SUPT3H: variants seen among roughly 807,000 people sequenced by gnomAD.
SUPT3H encodes the protein SPT3 homolog, SAGA and STAGA complex component.
SUPT3H carries 44 observed loss-of-function variants against 44.3 expected under a neutral mutation model. That is an observed-to-expected ratio of 0.99 (90% CI 0.78 to 1.28). The LOEUF (loss-of-function observed/expected upper bound fraction) is 1.28, where lower values mean the gene tolerates loss of function less well. Among genes scored for constraint, SUPT3H ranks in the 50% most tolerant of loss-of-function variants. SUPT3H has a pLI of 0.00. For missense variants in SUPT3H, 380 were observed against 387.1 expected, an observed-to-expected ratio of 0.98 and a Z score of 0.15; for synonymous variants, 124 against 125.6, an observed-to-expected ratio of 0.99 and a Z score of 0.09.
intron 6 of SUPT3H, among the ~76,000 whole-genome samples, chr6:44,966,306 C>T (rs1776762279): frequency 1.3e-5 from 2 of 151,920 alleles, no homozygotes; most frequent in South Asian, 2.1e-4. Flanking sequence ...TTACTCTTTA[C>T]TGAGATGGTT....
chr6:45,338,327 TC>T (rs1177377357), intron 2 of SUPT3H, among the ~76,000 whole-genome samples: 1 of 149,142 alleles, frequency 6.7e-6, no homozygotes, highest in Admixed American at 6.9e-5. Context: ...TTTGAGCATT[TC>T]CAGATGTAGC....
At chr6:45,271,627 T>C (rs1776172764) in intron 2 of SUPT3H, among the ~76,000 whole-genome samples, 1 of 152,188 alleles carries the variant, frequency 6.6e-6, no homozygotes, top group African/African-American at 2.4e-5. Context: ...GGAGAACCTT[T>C]GCTCAGGCAA....
chr6:45,018,618 T>C (rs1784657629), intron 4 of SUPT3H, among the ~76,000 whole-genome samples: 1 of 151,942 alleles, frequency 6.6e-6, no homozygotes, highest in Non-Finnish European at 1.5e-5. Flanking sequence ...GTGGTTTTTG[T>C]CTTTGGCTCT....
intron 3 of SUPT3H, among the ~76,000 whole-genome samples, chr6:45,031,844 C>T (rs1786990638): frequency 6.6e-6 from 1 of 152,132 alleles, no homozygotes; most frequent in Admixed American, 6.6e-5. Context: ...GCAACCAGCT[C>T]AACTAGCTGC....
At chr6:45,046,791 T>A (rs1360928780) in intron 3 of SUPT3H, among the ~76,000 whole-genome samples, 2 of 152,232 alleles carry the variant, frequency 1.3e-5, no homozygotes, top group Non-Finnish European at 2.9e-5. Context: ...TAATAGAGGC[T>A]GCAATGAATC....
intron 3 of SUPT3H, among the ~76,000 whole-genome samples, chr6:45,035,579 A>G (rs771633568): frequency 2.0e-5 from 3 of 152,062 alleles, no homozygotes; most frequent in Non-Finnish European, 4.4e-5. Flanking sequence ...TTACTTCCCT[A>G]CCTCCATCAA....
At chr6:45,148,101 T>C (rs1806371851) in intron 2 of SUPT3H, among the ~76,000 whole-genome samples, 1 of 152,146 alleles carries the variant, frequency 6.6e-6, no homozygotes, top group Admixed American at 6.6e-5. Context: ...TAAATCTATA[T>C]ATGTAACATC....
At chr6:45,188,152 A>G (rs1196764117) in intron 2 of SUPT3H, among the ~76,000 whole-genome samples, 2 of 152,228 alleles carry the variant, frequency 1.3e-5, no homozygotes, top group Admixed American at 1.3e-4. Flanking sequence ...AGTCATCCTT[A>G]TATTATTTAA....
intron 2 of SUPT3H, among the ~76,000 whole-genome samples, chr6:45,350,289 A>G (rs1427776309): frequency 6.6e-6 from 1 of 152,240 alleles, no homozygotes; most frequent in African/African-American, 2.4e-5. Flanking sequence ...AACAAAAAAC[A>G]TTTGTATATA....
At chr6:45,076,685 T>C (rs1349904251) in intron 3 of SUPT3H, among the ~76,000 whole-genome samples, 1 of 152,214 alleles carries the variant, frequency 6.6e-6, no homozygotes, top group Non-Finnish European at 1.5e-5. Context: ...ACGCCTTTAA[T>C]CATTAGCCCC....
At chr6:45,283,416 AAAAGG>A (rs1191295006) in intron 2 of SUPT3H, among the ~76,000 whole-genome samples, 3 of 152,288 alleles carry the variant, frequency 2.0e-5, no homozygotes, top group Non-Finnish European at 2.9e-5. Flanking sequence ...GGAAAACAAA[AAAAGG>A]CAGGGGTTGC....
At chr6:44,955,843 G>A (rs1775049490) in intron 7 of SUPT3H, among the ~76,000 whole-genome samples, 1 of 152,148 alleles carries the variant, frequency 6.6e-6, no homozygotes, top group Admixed American at 6.5e-5. Flanking sequence ...CATGTAGGCT[G>A]GGCGCGGTGG....
At chr6:45,179,953 T>C (rs1310748562) in intron 2 of SUPT3H, among the ~76,000 whole-genome samples, 1 of 152,146 alleles carries the variant, frequency 6.6e-6, no homozygotes, top group Non-Finnish European at 1.5e-5. Flanking sequence ...GACATGATTG[T>C]ATATCTAGAA....
chr6:44,978,206 G>C (rs1260439731), intron 6 of SUPT3H, among the ~76,000 whole-genome samples: 1 of 152,138 alleles, frequency 6.6e-6, no homozygotes, highest in African/African-American at 2.4e-5. Flanking sequence ...TCATAAAGAA[G>C]ATTCTGTCAA....
intron 2 of SUPT3H, among the ~76,000 whole-genome samples, chr6:45,319,006 GT>G (rs113478554): frequency 2.3e-4 from 35 of 152,120 alleles, no homozygotes; most frequent in African/African-American, 8.2e-4. Context: ...AAAAAAGTAT[GT>G]TTAAAAAAAT....
Position 45,198,583 on chromosome 6 carries a change from T to C in SUPT3H, c.102-92577A>G, listed in dbSNP as rs149206282. 3.3e-5 allele frequency among the ~76,000 whole-genome samples: 5 copies of C among 151,380 alleles called. No individual in the cohort carries two copies. In the South Asian group the frequency reaches 1.0e-3, roughly 31 times the overall value. On this transcript the variant is annotated intron_variant, in intron 2 of 10. Coordinates refer to ENST00000371459, the MANE Select transcript of SUPT3H (RefSeq NM_003599.4). ...CAAATCAAGTTTCAGAACTTGGGAATAGCATATAACAATGAATCAATGTCT... is the reference window on the plus strand; with the variant it reads ...CAAATCAAGTTTCAGAACTTGGGAACAGCATATAACAATGAATCAATGTCT...
rs550701033 is a variant in SUPT3H at position 44,970,928 on chromosome 6, G to T, written c.505-9100C>A. 5.3e-5 allele frequency among the ~76,000 whole-genome samples: 8 copies of T among 152,200 alleles called. No homozygotes were observed. In the East Asian group the frequency reaches 1.4e-3, roughly 26 times the overall value. ...AGTAGTCAAATATGCACACTTTATGGAGTCTGGCTTTACTTACATAGAATA... is the reference window on the plus strand; with the variant it reads ...AGTAGTCAAATATGCACACTTTATGTAGTCTGGCTTTACTTACATAGAATA... On this transcript the variant is annotated intron_variant, in intron 6 of 10. Coordinates refer to ENST00000371459, the MANE Select transcript of SUPT3H (RefSeq NM_003599.4).
chr6:44,982,654 A>G (rs1031840742), intron 6 of SUPT3H, among the ~76,000 whole-genome samples: 6 of 150,316 alleles, frequency 4.0e-5, no homozygotes, highest in South Asian at 2.1e-4. Context: ...ACTCTCCTGT[A>G]TCAACTTTGT....
intron 10 of SUPT3H, among the ~76,000 whole-genome samples, chr6:44,870,389 G>C (rs1776176545): frequency 6.6e-6 from 1 of 152,064 alleles, no homozygotes; most frequent in African/African-American, 2.4e-5. Flanking sequence ...TTGAGGCCAG[G>C]AGCTCAAGAC....
Sources: gnomAD v4.1 joint callset for allele counts (sites outside exome capture counted in the v4.1 genomes callset) on GRCh38, gnomAD v4.1.1 for gene constraint, MANE v1.5 for transcripts, NCBI Gene and HGNC (gene_info 2026-07-23, HGNC 2026-07-21) for gene names.